The following ADAMTS17 variants were observed in gnomAD, a reference collection of about 807,000 sequenced individuals.
ADAMTS17 encodes the protein A disintegrin and metalloproteinase with thrombospondin motifs 17.
Under a neutral mutation model 141.5 loss-of-function variants are expected in ADAMTS17, and 113 were observed. That is an observed-to-expected ratio of 0.80 (90% CI 0.69 to 0.93). The LOEUF is 0.93. ADAMTS17 is among the 40% of genes least tolerant of loss of function. ADAMTS17 has a pLI of 0.00. For missense variants in ADAMTS17, 1,659 were observed against 1,517.9 expected (o/e 1.09, Z -1.54); for synonymous variants, 768 against 630.6 (o/e 1.22, Z -3.27).
chr15:100,046,991 G>A (rs1256726646), intron 18 of ADAMTS17, among the ~76,000 whole-genome samples: 5 of 152,052 alleles, frequency 3.3e-5, no homozygotes, highest in South Asian at 2.1e-4. Context: ...TAAAGCAAAC[G>A]GGAGGAAATA....
intron 18 of ADAMTS17, among the ~76,000 whole-genome samples, chr15:100,003,514 T>G (rs901657423): frequency 6.6e-6 from 1 of 152,020 alleles, no homozygotes; most frequent in Non-Finnish European, 1.5e-5. Context: ...TCATCCAGTG[T>G]TAGAATGATG....
At chr15:100,285,149 A>G (rs1176220933) in intron 3 of ADAMTS17, among the ~76,000 whole-genome samples, 1 of 152,128 alleles carries the variant, frequency 6.6e-6, no homozygotes, top group African/African-American at 2.4e-5. Context: ...TTTTTCTTAC[A>G]TCTCTTTCCC....
chr15:100,240,062 C>T (rs564419281), intron 7 of ADAMTS17, among the ~76,000 whole-genome samples: 2 of 152,304 alleles, frequency 1.3e-5, no homozygotes, highest in African/African-American at 2.4e-5. Flanking sequence ...GCCTGCTCCA[C>T]GTGTACCGGG....
chr15:100,110,719 C>A (rs921175736), intron 13 of ADAMTS17, among the ~76,000 whole-genome samples: 27 of 152,292 alleles, frequency 1.8e-4, no homozygotes, highest in African/African-American at 6.0e-4. Flanking sequence ...AGTCAAAGAC[C>A]TTCATCCTCC....
Position 99,976,089 on chromosome 15 carries a change from C to T in ADAMTS17, c.3083G>A (p.Cys1028Tyr). 1 of 1,551,740 alleles carries T rather than the reference C, an allele frequency of 6.4e-7. No homozygotes were observed. The highest frequency in any genetic ancestry group is 8.7e-7 in the Non-Finnish European group (1 of 1,146,994). The change falls in exon 21 of 22, where the codon TGC becomes TAC. Residue 1028 changes from cysteine (C) to tyrosine (Y), a missense_variant. By Grantham distance (194) the Cys-to-Tyr change is radical. Transcript: ENST00000268070. ...GGTGTTGGCGTTGATCCTGTCGTTG[C>T]AGACCTCCTGGTAGCACTGTCTGTA... The part of the protein sequence containing the change: ...APYRQCYQEV[C>Y]NDRINANTIT...
At chr15:100,195,213 G>A (rs2041066144) in intron 8 of ADAMTS17, among the ~76,000 whole-genome samples, 1 of 152,346 alleles carries the variant, frequency 6.6e-6, no homozygotes. Flanking sequence ...AGCAGCAAGG[G>A]TGGCCCCTCT....
In ADAMTS17 at chr15:100,204,020, C is replaced by T. The variant is rs1163591719; in HGVS notation, c.1076-4597G>A. ...ACCCATCTTCCCATCCATGCCAGCACAACACAGGTGCTCATTTGTCTTCTT... is the reference window on the plus strand; with the variant it reads ...ACCCATCTTCCCATCCATGCCAGCATAACACAGGTGCTCATTTGTCTTCTT... On this transcript the variant is annotated intron_variant, in intron 7 of 21. Transcript: ENST00000268070. Among the ~76,000 whole-genome samples, 11 of 152,202 alleles carry T rather than the reference C, an allele frequency of 7.2e-5. 1 individual carries two copies. The highest frequency in any genetic ancestry group is 7.2e-4 in the Admixed American group (11 of 15,282).
chr15:100,154,602 C>T lies in ADAMTS17; in HGVS notation c.1322+578G>A, dbSNP rs116892130. On this transcript the variant is annotated intron_variant, in intron 9 of 21. Transcript: ENST00000268070. ...GGTCTTGACACTAAGGGACAGGGAC[C>T]GGCACCGTCCACAGGTACAGACTGT... Among the ~76,000 whole-genome samples the T allele has an allele frequency of 5.1e-4, 77 of 152,270 alleles. 1 individual carries two copies. The East Asian group carries it at 0.011, about 22-fold the overall frequency.
Position 100,109,026 on chromosome 15 carries a change from G to A in ADAMTS17, c.1979C>T (p.Pro660Leu). 1 of 1,614,134 alleles carries A rather than the reference G, an allele frequency of 6.2e-7. No individual in the cohort carries two copies. Among genetic ancestry groups the A allele is most frequent in the East Asian group, 2.2e-5 (1 of 44,870 alleles). Residue 660 changes from proline to leucine, a missense_variant, in exon 14 of 22, where the codon CCC (proline) becomes CTC (leucine). By Grantham distance (98) the Pro-to-Leu change is moderately conservative. Transcript: ENST00000268070. ...DRVLDGTPCG[P>L]YETDLCVHGK... is the part of the protein sequence containing the mutation. Reference sequence around the variant, plus strand: ...GTGCACGCAGAGATCAGTCTCGTAGGGCCCGCAGGGTGTACCGTCCAGGAC... The same window carrying A: ...GTGCACGCAGAGATCAGTCTCGTAGAGCCCGCAGGGTGTACCGTCCAGGAC...
chr15:100,117,353 T>C (rs1022946876), intron 12 of ADAMTS17, among the ~76,000 whole-genome samples: 3 of 152,234 alleles, frequency 2.0e-5, no homozygotes, highest in African/African-American at 7.2e-5. Context: ...GGGACACTTC[T>C]GGAGAGGGTG....
At chr15:99,980,703 G>A (rs2060466612) in intron 20 of ADAMTS17, 1 of 152,266 alleles carries the variant, frequency 6.6e-6, no homozygotes, top group Non-Finnish European at 1.5e-5. Flanking sequence ...GAGTGTTGCT[G>A]ATATGTATGT....
chr15:100,058,261 C>CT lies in ADAMTS17; in HGVS notation c.2138-4208dup, dbSNP rs1217624038. 1.1e-3 allele frequency among the ~76,000 whole-genome samples: 18 copies of CT among 15,754 alleles called. 3 individuals are homozygous for CT. The highest frequency in any genetic ancestry group is 3.0e-3 in the African/African-American group (12 of 3,974). The allele number at this position is 15,754 out of a possible 152,430, so 10.3% of individuals were successfully genotyped here. The stretch of plus-strand genomic sequence containing the variant: ...CAGCTCTGACCCTCCTATCCCGGCT[C>CT]TGACACCCCTATCCCGGCTCTAACC... On this transcript the variant is annotated intron_variant, in intron 15 of 21. Transcript: ENST00000268070.
Position 100,058,216 on chromosome 15 carries a change from C to T in ADAMTS17, c.2138-4162G>A, listed in dbSNP as rs1439078822. 7.4e-5 allele frequency among the ~76,000 whole-genome samples: 3 copies of T among 40,586 alleles called. 1 individual carries two copies. In the East Asian group the frequency reaches 1.0e-3, roughly 14 times the overall value. The allele number at this position is 40,586 out of a possible 152,430, so 26.6% of individuals were successfully genotyped here. A position where few individuals can be genotyped will look rare whatever the true frequency, so the allele number is the denominator to read the frequency against. ...TATCCCAGCTCCAACACCCCTATTCCGGCTCCAACACTCCTATCCCAGCTC... is the reference window on the plus strand; with the variant it reads ...TATCCCAGCTCCAACACCCCTATTCTGGCTCCAACACTCCTATCCCAGCTC... On this transcript the variant is annotated intron_variant, in intron 15 of 21. Transcript: ENST00000268070.
At chr15:100,001,043 T>TA (rs1052381499) in intron 18 of ADAMTS17, among the ~76,000 whole-genome samples, 75 of 151,544 alleles carry the variant, frequency 4.9e-4, no homozygotes, top group African/African-American at 1.8e-3. Flanking sequence ...GTCAAGAAAA[T>TA]AGAGGGAAGA....
chr15:100,114,137 C>A (rs2036962789), intron 13 of ADAMTS17, among the ~76,000 whole-genome samples: 2 of 150,452 alleles, frequency 1.3e-5, no homozygotes, highest in South Asian at 2.1e-4. Flanking sequence ...GGAAAATCTA[C>A]CTCTGCAAGA....
rs564460876 is a variant in ADAMTS17, at chr15:100,164,428, G to A, written c.1182-9108C>T. ...TTCATTCAACAAGTATTTGTTGAAC[G>A]CCTTCTGCATGCCAGATCCTGTTCT... On this transcript the variant is annotated intron_variant, in intron 8 of 21. Coordinates refer to ENST00000268070, the MANE Select transcript of ADAMTS17 (RefSeq NM_139057.4). Among the ~76,000 whole-genome samples the A allele has an allele frequency of 3.3e-5, 5 of 152,020 alleles. No individual in the cohort carries two copies. In the South Asian group the frequency reaches 6.2e-4, roughly 19 times the overall value.
At chr15:100,144,963 T>A (rs1386155968) in intron 10 of ADAMTS17, among the ~76,000 whole-genome samples, 1 of 152,200 alleles carries the variant, frequency 6.6e-6, no homozygotes, top group Non-Finnish European at 1.5e-5. Flanking sequence ...TTTTCTTACT[T>A]CTCTATATTT....
intron 6 of ADAMTS17, among the ~76,000 whole-genome samples, chr15:100,255,278 G>A (rs572720964): frequency 6.6e-6 from 1 of 152,084 alleles, no homozygotes; most frequent in African/African-American, 2.4e-5. Flanking sequence ...GCCGGCTGAG[G>A]AGCCACAACC....
chr15:100,194,750 G>A (rs1331868145), intron 8 of ADAMTS17, among the ~76,000 whole-genome samples: 3 of 152,122 alleles, frequency 2.0e-5, no homozygotes, highest in African/African-American at 7.2e-5. Context: ...GACAAGGCAC[G>A]CTGTCCTGGT....
Sources: gnomAD v4.1 joint callset for allele counts (sites outside exome capture counted in the v4.1 genomes callset) on GRCh38, gnomAD v4.1.1 for gene constraint, MANE v1.5 for transcripts, NCBI Gene and HGNC (gene_info 2026-07-23, HGNC 2026-07-21) for gene names.